SYNE1: variants seen among roughly 807,000 people sequenced by gnomAD.
SYNE1 encodes spectrin repeat containing nuclear envelope protein 1, also known as nesprin-1.
A neutral mutation model predicts 1,111.0 loss-of-function variants in SYNE1; 616 were observed. That is an observed-to-expected ratio of 0.55 (90% CI 0.52 to 0.59). The LOEUF is 0.59. Ranked by LOEUF, SYNE1 falls within the 20% of genes least tolerant of loss-of-function variation. The pLI, the probability that SYNE1 is intolerant of heterozygous loss-of-function variation, is 0.00. For missense variants in SYNE1, 10,006 were observed against 10,417.0 expected (o/e 0.96, Z 1.72); for synonymous variants, 3,855 against 3,825.8 (o/e 1.01, Z -0.28).
At position 152,484,958 on chromosome 6, in the gene SYNE1, G is replaced by A. The variant is rs1057523855; in HGVS notation, c.1062C>T (p.Phe354=). 1 of 1,612,294 alleles carries A rather than the reference G, an allele frequency of 6.2e-7. No homozygotes were observed. The highest frequency in any genetic ancestry group is 1.3e-5 in the African/African-American group (1 of 75,008). ...LQDKYQSFKH[F]RVQYEMKRKQ... ...TCCTCTTCATTTCATATTGAACTCT[G>A]AAGTGCTTAAATGACTAAAAGAGGA... The change falls in exon 13 of 146, where the codon TTC becomes TTT. Residue 354 remains phenylalanine (F), a synonymous_variant. Transcript: ENST00000367255.
intron 126 of SYNE1, among the ~76,000 whole-genome samples, chr6:152,203,258 T>C (rs2075869445): frequency 6.6e-6 from 1 of 152,172 alleles, no homozygotes; most frequent in South Asian, 2.1e-4. Context: ...AATAAAAAAG[T>C]AGAATTTTAA....
chr6:152,334,406 A>G, intron 76 of SYNE1, 133 bp from the exon 77 acceptor site: 1 of 997,382 alleles, frequency 1.0e-6, no homozygotes, highest in Admixed American at 2.8e-5. Flanking sequence ...AATGTATAAT[A>G]AGTTATGGGA....
intron 91 of SYNE1, among the ~76,000 whole-genome samples, chr6:152,304,244 C>T (rs2095304608): frequency 6.6e-6 from 1 of 152,204 alleles, no homozygotes; most frequent in Admixed American, 6.5e-5. Context: ...AGAGCTCTAG[C>T]AGATTACTGG....
In SYNE1 at chr6:152,381,377, C is replaced by T. The variant is rs2097411113; in HGVS notation, c.8653-15G>A. The T allele has an allele frequency of 6.2e-7, 1 of 1,611,304 alleles. No homozygotes were observed. The highest frequency in any genetic ancestry group is 8.5e-7 in the Non-Finnish European group (1 of 1,179,422). ...TCTATCAGCTCCTGTAATGGAATAT[C>T]ACCATGGTAACTGAAGAGCCTGTGA... On this transcript the variant is annotated splice_polypyrimidine_tract_variant and intron_variant, in intron 55 of 145. Transcript: ENST00000367255.
At chr6:152,265,528 T>C (rs1226767661) in intron 100 of SYNE1, among the ~76,000 whole-genome samples, 1 of 152,200 alleles carries the variant, frequency 6.6e-6, no homozygotes, top group African/African-American at 2.4e-5. Flanking sequence ...TATTGCTTTT[T>C]TCTTTTGTGG....
rs767871863 is a variant in SYNE1 at position 152,340,747 on chromosome 6, C to T, written c.12226-1381G>A. Among the ~76,000 whole-genome samples the T allele has an allele frequency of 4.8e-4, 73 of 152,168 alleles. 2 individuals are homozygous for T. The highest frequency in any genetic ancestry group is 1.6e-4 in the Non-Finnish European group (11 of 68,024). On this transcript the variant is annotated intron_variant, in intron 74 of 145. Transcript: ENST00000367255. ...GAATTTAAGTGTGATGGGAAAATAT[C>T]GGGAGCATCATGATCTGAAACAGGC...
chr6:152,454,559 C>T (rs554910063), intron 24 of SYNE1, among the ~76,000 whole-genome samples: 87 of 152,318 alleles, frequency 5.7e-4, no homozygotes, highest in Non-Finnish European at 1.1e-3. Context: ...TTTAGCCACC[C>T]GTCTATGGCA....
In SYNE1 at chr6:152,334,425, G is replaced by GA. The variant is rs3215014; in HGVS notation, c.12529-153dup. 0.13 allele frequency: 117,621 copies of GA among 886,986 alleles called. 9,279 individuals are homozygous for GA. The highest frequency in any genetic ancestry group is 0.26 in the East Asian group (9,915 of 37,480). 54.9% of individuals were successfully genotyped at this position (886,986 alleles called of 1,614,324 possible). ...TATAATAAGTTATGGGAAACAAAGA[G>GA]AAAATCTAAAAATCACCATACCTCT... On this transcript the variant is annotated intron_variant, in intron 76 of 145. Transcript: ENST00000367255.
chr6:152,249,073 T>G (rs2088317927), intron 105 of SYNE1, 88 bp downstream of exon 105: 1 of 948,252 alleles, frequency 1.1e-6, no homozygotes, highest in African/African-American at 1.6e-5. Context: ...CTGTGAGCCA[T>G]TAATCTTTCA....
At chr6:152,492,150 C>T in intron 11 of SYNE1, among the ~76,000 whole-genome samples, 1 of 152,192 alleles carries the variant, frequency 6.6e-6, no homozygotes, top group Non-Finnish European at 1.5e-5. Flanking sequence ...TGGCAACAAC[C>T]CTTAGATGCT....
At position 152,449,669 on chromosome 6, in the gene SYNE1, A is replaced by G. The variant is rs1192253389; in HGVS notation, c.3396-28T>C. ...GAAATAACATAAGCACTTTCTTATT[A>G]AAGGGAGAACATACCAGAATGATCA... On this transcript the variant is annotated intron_variant, in intron 27 of 145. Coordinates refer to ENST00000367255, the MANE Select transcript of SYNE1 (RefSeq NM_182961.4). 2.0e-6 allele frequency: 3 copies of G among 1,507,390 alleles called. No individual in the cohort carries two copies. In the African/African-American group the frequency reaches 4.1e-5, roughly 21 times the overall value. The allele number at this position is 1,507,390 out of a possible 1,614,324, so 93.4% of individuals were successfully genotyped here.
intron 58 of SYNE1, among the ~76,000 whole-genome samples, chr6:152,374,403 T>A (rs1013967132): frequency 6.6e-6 from 1 of 152,214 alleles, no homozygotes; most frequent in African/African-American, 2.4e-5. Flanking sequence ...AGGACATTTG[T>A]CTTAATGGAT....
At chr6:152,473,846 G>A (rs1295444445) in intron 14 of SYNE1, among the ~76,000 whole-genome samples, 1 of 152,116 alleles carries the variant, frequency 6.6e-6, no homozygotes, top group Non-Finnish European at 1.5e-5. Context: ...TATTGAAAAA[G>A]TCTTTACAAG....
At chr6:152,597,859 G>A (rs1312885325) in intron 3 of SYNE1, among the ~76,000 whole-genome samples, 1 of 152,046 alleles carries the variant, frequency 6.6e-6, no homozygotes, top group African/African-American at 2.4e-5. Context: ...CTATGGTAGT[G>A]AGTATTATTT....
At position 152,325,320 on chromosome 6, in the gene SYNE1, G is replaced by T; in HGVS notation, c.15439-18C>A. ...ACTAAAGCCTAGGGTTGGGGGTGGAGGACGGAAGAGAGGAGACAAGGGAGA... is the reference window on the plus strand; with the variant it reads ...ACTAAAGCCTAGGGTTGGGGGTGGATGACGGAAGAGAGGAGACAAGGGAGA... On this transcript the variant is annotated intron_variant, in intron 80 of 145. Transcript: ENST00000367255. 1 of 1,611,972 alleles carries T rather than the reference G, an allele frequency of 6.2e-7. No homozygotes were observed. Among genetic ancestry groups the T allele is most frequent in the South Asian group, 1.1e-5 (1 of 91,006 alleles).
At chr6:152,157,747 C>T (rs894796595) in intron 131 of SYNE1, among the ~76,000 whole-genome samples, 6 of 151,408 alleles carry the variant, frequency 4.0e-5, no homozygotes, top group Non-Finnish European at 8.8e-5. Context: ...GCAGTTTCCT[C>T]AGAGAACAAA....
chr6:152,430,640 C>A lies in SYNE1; in HGVS notation c.4531G>T (p.Ala1511Ser). ...VGLEEEAQSFAQFVTTGESAR... is the reference protein window; with the variant it reads ...VGLEEEAQSFSQFVTTGESAR... ...GATTCTCCAGTGGTAACAAACTGAG[C>A]AAAAGACTGGGCTTCTTCTTCTAAT... The change falls in exon 35 of 146, where the codon GCT becomes TCT. Residue 1511 changes from alanine to serine, a missense_variant. Around this residue, in one of 7 missense-constraint regions of SYNE1, gnomAD observed 1,971 missense variants for 2,084.1 expected, o/e 0.95. Transcript: ENST00000367255. 2 of 1,614,102 alleles carry A rather than the reference C, an allele frequency of 1.2e-6. 1 individual carries two copies. Among genetic ancestry groups the A allele is most frequent in the South Asian group, 2.2e-5 (2 of 91,076 alleles).
chr6:152,547,695 T>C (rs1174496331), intron 3 of SYNE1, among the ~76,000 whole-genome samples: 1 of 152,198 alleles, frequency 6.6e-6, no homozygotes, highest in Non-Finnish European at 1.5e-5. Context: ...AAATCAAAGG[T>C]ATGAGTATTG....
At chr6:152,212,739 A>C (rs1375385102) in intron 123 of SYNE1, among the ~76,000 whole-genome samples, 1 of 152,176 alleles carries the variant, frequency 6.6e-6, no homozygotes, top group African/African-American at 2.4e-5. Context: ...ACCATTTTAC[A>C]TTCCCATCAG....
Sources: allele counts gnomAD v4.1 joint callset (sites outside exome capture counted in the v4.1 genomes callset), GRCh38; gene constraint gnomAD v4.1.1; regional missense constraint gnomAD v4.1.1; transcripts MANE v1.5; gene names NCBI Gene and HGNC (gene_info 2026-07-23, HGNC 2026-07-21).